The following ADNP2 variants were observed in gnomAD, a reference collection of about 807,000 sequenced individuals.
The protein encoded by ADNP2 is ADNP homeobox 2, also known as activity-dependent neuroprotector homeobox protein 2.
In ADNP2, 8 loss-of-function variants were observed where a neutral mutation model predicts 16.4. The observed-to-expected ratio is 0.49, with a 90% CI of 0.29 to 0.88. The LOEUF (loss-of-function observed/expected upper bound fraction) is 0.88, where lower values mean the gene tolerates loss of function less well. ADNP2 is among the 40% of genes least tolerant of loss of function. The probability of loss-of-function intolerance (pLI) is 0.09; values close to 1 mark genes in which losing one functional copy is unlikely to be tolerated. For missense variants in ADNP2, 1,397 were observed against 1,395.1 expected (o/e 1.00, Z -0.02); for synonymous variants, 637 against 545.8 (o/e 1.17, Z -2.33).
At chr18:80,120,665 A>C (rs895719931) in intron 2 of ADNP2, among the ~76,000 whole-genome samples, 1 of 146,548 alleles carries the variant, frequency 6.8e-6, no homozygotes, top group African/African-American at 2.5e-5. Context: ...TTATTCATTT[A>C]TTTTTTTTTG....
In ADNP2 at chr18:80,135,943, C is replaced by G. The variant is rs1599822007; in HGVS notation, c.530C>G (p.Ala177Gly). ...YYSMKKHVLV[A>G]HFHYLINSYF... ...AGCATGAAGAAGCATGTGCTGGTAG[C>G]CCATTTTCACTACTTAATTAACTCC... is the stretch of plus-strand genomic sequence containing the variant. Residue 177 changes from alanine to glycine, a missense_variant, in exon 4 of 4, where the codon GCC becomes GGC. Transcript: ENST00000262198. 1 of 1,614,176 alleles carries G rather than the reference C, an allele frequency of 6.2e-7. No individual in the cohort carries two copies. The highest frequency in any genetic ancestry group is 8.5e-7 in the Non-Finnish European group (1 of 1,180,042).
Position 80,139,898 on chromosome 18 carries a change from TGGAAGC to T in ADNP2, c.*1090_*1095del. 1 of 152,248 alleles carries T rather than the reference TGGAAGC, an allele frequency of 6.6e-6. No individual in the cohort carries two copies. Among genetic ancestry groups the T allele is most frequent in the East Asian group, 1.9e-4 (1 of 5,202 alleles). 9.4% of individuals were successfully genotyped at this position (152,248 alleles called of 1,614,324 possible). ...GGGCTTTTCTCTAGCTGGTTTAGGCTGGAAGCTGTGTCCGGGTCGATGGGATGGCAT... is the reference window on the plus strand; with the variant it reads ...GGGCTTTTCTCTAGCTGGTTTAGGCTTGTGTCCGGGTCGATGGGATGGCAT... On this transcript the variant is annotated 3_prime_UTR_variant, in exon 4 of 4. Transcript: ENST00000262198.
At chr18:80,111,003 G>A (rs2052353646) in intron 1 of ADNP2, among the ~76,000 whole-genome samples, 1 of 152,130 alleles carries the variant, frequency 6.6e-6, no homozygotes, top group Admixed American at 6.5e-5. Context: ...ACCCAAGTTT[G>A]CAATATGCTG....
chr18:80,134,384 A>AGT (rs1491314315), intron 3 of ADNP2, among the ~76,000 whole-genome samples: 2 of 100,920 alleles, frequency 2.0e-5, no homozygotes, highest in South Asian at 3.9e-4. Flanking sequence ...GAAGAATGGA[A>AGT]GAGTGTGTGT....
chr18:80,135,651 T>A lies in ADNP2; in HGVS notation c.238T>A (p.Tyr80Asn). Residue 80 changes from tyrosine to asparagine, a missense_variant, in exon 4 of 4, where the codon TAC becomes AAC. Coordinates refer to ENST00000262198, the MANE Select transcript of ADNP2 (RefSeq NM_014913.4). ...TKPYCCGLCK[Y>N]STKVLTSFKN... ...GCCATACTGTTGTGGCCTCTGTAAATACTCTACAAAGGTGCTTACTTCATT... is the reference window on the plus strand; with the variant it reads ...GCCATACTGTTGTGGCCTCTGTAAAAACTCTACAAAGGTGCTTACTTCATT... 1 of 1,614,192 alleles carries A rather than the reference T, an allele frequency of 6.2e-7. No homozygotes were observed. Among genetic ancestry groups the A allele is most frequent in the Non-Finnish European group, 8.5e-7 (1 of 1,180,014 alleles).
At chr18:80,130,910 G>A (rs1338294216) in intron 2 of ADNP2, among the ~76,000 whole-genome samples, 2 of 152,192 alleles carry the variant, frequency 1.3e-5, no homozygotes, top group African/African-American at 4.8e-5. Context: ...AAACTGTGAG[G>A]TTGGGATCCC....
chr18:80,138,533 A>G lies in ADNP2; in HGVS notation c.3120A>G (p.Ala1040=). 6.2e-7 allele frequency: 1 copy of G among 1,613,854 alleles called. No homozygotes were observed. The change falls in exon 4 of 4, where the codon GCA becomes GCG. Residue 1040 remains alanine (A), a synonymous_variant. Coordinates refer to ENST00000262198, the MANE Select transcript of ADNP2 (RefSeq NM_014913.4). ...AGGACGAGGCTCTTCAGATTTTAGC[A>G]TTAGATCCTAAAAAATATGAAGGCC... is the stretch of plus-strand genomic sequence containing the variant. The part of the protein sequence containing the change: ...IVKDEALQIL[A]LDPKKYEGRS...
rs199514102 is a variant in ADNP2, at chr18:80,137,847, G to T, written c.2434G>T (p.Val812Phe). The change falls in exon 4 of 4, where the codon GTC (valine) becomes TTC (phenylalanine). Residue 812 changes from valine (V) to phenylalanine (F), a missense_variant. By Grantham distance (50) the Val-to-Phe change is conservative. Transcript: ENST00000262198. This position sits in a 1 kb window ranked among gnomAD's most constrained non-coding sequence, Gnocchi z 4.2. The stretch of plus-strand genomic sequence containing the variant: ...TAGCAACAGAGGTTTTCAATTAGAT[G>T]TCGATGCCAATGGCAACCTGCTCTT... Reference protein sequence around the residue: ...DYSNRGFQLDVDANGNLLFPH... With the variant: ...DYSNRGFQLDFDANGNLLFPH... 3.1e-6 allele frequency: 5 copies of T among 1,613,994 alleles called. No individual in the cohort carries two copies. In the Admixed American group the frequency reaches 5.0e-5, roughly 16 times the overall value.
chr18:80,113,250 A>C (rs1171390598), intron 1 of ADNP2, among the ~76,000 whole-genome samples: 2 of 152,248 alleles, frequency 1.3e-5, no homozygotes, highest in African/African-American at 2.4e-5. Flanking sequence ...CTACAATGCT[A>C]ATGATCCTTA....
rs774881937 is a variant in ADNP2 at position 80,138,732 on chromosome 18, C to T, written c.3319C>T (p.Pro1107Ser). Residue 1107 changes from proline to serine, a missense_variant, in exon 4 of 4, where the codon CCT (proline) becomes TCT (serine). Coordinates refer to ENST00000262198, the MANE Select transcript of ADNP2 (RefSeq NM_014913.4). Reference sequence around the variant, plus strand: ...CATGAAAGCAATAAAAAATCACAAGCCTTCTGTACTTTTAGGCTTTGATAT... The same window carrying T: ...CATGAAAGCAATAAAAAATCACAAGTCTTCTGTACTTTTAGGCTTTGATAT... Reference protein sequence around the residue: ...ICMKAIKNHKPSVLLGFDMSE... With the variant: ...ICMKAIKNHKSSVLLGFDMSE... The T allele has an allele frequency of 3.1e-6, 5 of 1,605,780 alleles. No homozygotes were observed. In the African/African-American group the frequency reaches 5.4e-5, roughly 17 times the overall value.
intron 2 of ADNP2, among the ~76,000 whole-genome samples, chr18:80,119,413 CAAAA>C (rs5826687): frequency 8.8e-5 from 10 of 113,682 alleles, no homozygotes; most frequent in East Asian, 5.3e-4. Context: ...GACTCCGTCT[CAAAA>C]AAAAAAAAAA....
intron 2 of ADNP2, among the ~76,000 whole-genome samples, chr18:80,125,152 A>G (rs1346415482): frequency 6.6e-6 from 1 of 152,234 alleles, no homozygotes; most frequent in African/African-American, 2.4e-5. Context: ...GTGTTAGCCT[A>G]TGCCTTTTGA....
Position 80,136,632 on chromosome 18 carries a change from G to A in ADNP2, c.1219G>A (p.Val407Met). The stretch of plus-strand genomic sequence containing the variant: ...TGGGGTTTTACCCCTCACCCAGCCT[G>A]TGGGACCCATAAACAGACCTGTTGG... ...RPGVLPLTQPVGPINRPVGPG... is the reference protein window; with the variant it reads ...RPGVLPLTQPMGPINRPVGPG... The change falls in exon 4 of 4, where the codon GTG (valine) becomes ATG (methionine). Residue 407 changes from valine (V) to methionine (M), a missense_variant. Transcript: ENST00000262198. 6.2e-7 allele frequency: 1 copy of A among 1,614,184 alleles called. No homozygotes were observed. Among genetic ancestry groups the A allele is most frequent in the South Asian group, 1.1e-5 (1 of 91,074 alleles).
Position 80,137,136 on chromosome 18 carries a change from A to G in ADNP2, c.1723A>G (p.Ile575Val), listed in dbSNP as rs770364843. Reference sequence around the variant, plus strand: ...ACTCAACCAGACTGTGGGCACCAACATTCTGCCTGTGAATCAGCCAGTGAG... The same window carrying G: ...ACTCAACCAGACTGTGGGCACCAACGTTCTGCCTGTGAATCAGCCAGTGAG... ...LQLNQTVGTN[I>V]LPVNQPVRPG... The change falls in exon 4 of 4, where the codon ATT (isoleucine) becomes GTT (valine). Residue 575 changes from isoleucine (I) to valine (V), a missense_variant. By Grantham distance (29) the Ile-to-Val change is conservative. Transcript: ENST00000262198. The surrounding 1 kb of genome is among the most constrained non-coding windows in gnomAD (Gnocchi z 4.2). 19 of 1,614,186 alleles carry G rather than the reference A, an allele frequency of 1.2e-5. No individual in the cohort carries two copies. The highest frequency in any genetic ancestry group is 1.4e-5 in the Non-Finnish European group (17 of 1,180,026).
At chr18:80,131,281 A>G (rs189877895) in intron 2 of ADNP2, among the ~76,000 whole-genome samples, 1 of 152,198 alleles carries the variant, frequency 6.6e-6, no homozygotes, top group Non-Finnish European at 1.5e-5. Context: ...TGTGTTTCTC[A>G]CACTACTGCC....
intron 3 of ADNP2, 70 bp from the exon 4 acceptor site, chr18:80,135,542 C>T (rs1752942395): frequency 7.9e-6 from 11 of 1,395,880 alleles, no homozygotes; most frequent in Admixed American, 2.3e-5. Flanking sequence ...ATCAAGTCCT[C>T]AGGGACTGTG....
intron 1 of ADNP2, among the ~76,000 whole-genome samples, chr18:80,114,052 G>A (rs924575595): frequency 6.6e-6 from 1 of 151,922 alleles, no homozygotes; most frequent in Admixed American, 6.6e-5. Flanking sequence ...AGTTAGCCAG[G>A]TGTGGTGGCA....
chr18:80,136,986 A>C lies in ADNP2; in HGVS notation c.1573A>C (p.Thr525Pro), dbSNP rs976317546. The C allele has an allele frequency of 3.1e-6, 5 of 1,613,900 alleles. No homozygotes were observed. The highest frequency in any genetic ancestry group is 4.2e-6 in the Non-Finnish European group (5 of 1,180,002). Residue 525 changes from threonine (T) to proline (P), a missense_variant, in exon 4 of 4, where the codon ACA (threonine) becomes CCA (proline). Thr to Pro is a conservative substitution (Grantham distance 38). Coordinates refer to ENST00000262198, the MANE Select transcript of ADNP2 (RefSeq NM_014913.4). Reference protein sequence around the residue: ...VPSGLLSPNQTVSSSAVVPVN... With the variant: ...VPSGLLSPNQPVSSSAVVPVN... The stretch of plus-strand genomic sequence containing the variant: ...GTCTGGGCTTCTTTCTCCCAACCAG[A>C]CAGTCTCCTCCTCAGCTGTTGTGCC...
intron 2 of ADNP2, among the ~76,000 whole-genome samples, chr18:80,132,678 CCCCTCTCTCCT>C (rs2052505454): frequency 7.0e-6 from 1 of 142,682 alleles, no homozygotes. Flanking sequence ...CCCTCTTCCT[CCCCTCTCTCCT>C]CTCCCCTCCC....
Sources: allele counts gnomAD v4.1 joint callset (sites outside exome capture counted in the v4.1 genomes callset), GRCh38; gene constraint gnomAD v4.1.1; non-coding constraint Gnocchi (gnomAD v3.1); transcripts MANE v1.5; gene names NCBI Gene and HGNC (gene_info 2026-07-23, HGNC 2026-07-21).